The following GNA14 variants were observed in gnomAD, a reference collection of about 807,000 sequenced individuals.
The protein encoded by GNA14 is G protein subunit alpha 14.
GNA14 carries 50 observed loss-of-function variants against 42.0 expected under a neutral mutation model. The ratio of observed to expected loss-of-function variants is 1.19; its 90% CI spans 0.95 to 1.51. GNA14 has a LOEUF of 1.51. Among genes scored for constraint, GNA14 ranks in the 40% most tolerant of loss-of-function variants. GNA14 has a pLI of 0.00. For synonymous variants in GNA14, 173 were observed against 163.1 expected (o/e 1.06, Z -0.46); for missense variants, 473 against 446.2 (o/e 1.06, Z -0.54).
intron 2 of GNA14, among the ~76,000 whole-genome samples, chr9:77,524,760 T>C (rs1837408218): frequency 6.6e-6 from 1 of 152,092 alleles, no homozygotes; most frequent in African/African-American, 2.4e-5. Context: ...AGGAAAATGA[T>C]AGAGAAGAAA....
At chr9:77,442,167 T>A (rs1018281558) in intron 2 of GNA14, among the ~76,000 whole-genome samples, 1 of 151,860 alleles carries the variant, frequency 6.6e-6, no homozygotes, top group African/African-American at 2.4e-5. Flanking sequence ...AGGCCAGGAG[T>A]TCGAGACCCG....
chr9:77,563,552 C>T (rs1822917717), intron 1 of GNA14, among the ~76,000 whole-genome samples: 1 of 152,100 alleles, frequency 6.6e-6, no homozygotes, highest in African/African-American at 2.4e-5. Context: ...CCTGATTCTT[C>T]ATAGGGCTTA....
At chr9:77,602,803 T>G (rs1190177929) in intron 1 of GNA14, among the ~76,000 whole-genome samples, 1 of 152,246 alleles carries the variant, frequency 6.6e-6, no homozygotes, top group East Asian at 1.9e-4. Context: ...TCTGTGCAAT[T>G]GCACAGGGCT....
In GNA14 at chr9:77,593,334, CTT is replaced by C. The variant is rs59975831; in HGVS notation, c.124+54334_124+54335del. On this transcript the variant is annotated intron_variant, in intron 1 of 6. Coordinates refer to ENST00000341700, the MANE Select transcript of GNA14 (RefSeq NM_004297.4). ...GATCAAAATACCCTCCCTAACATTC[CTT>C]TTTTTTTTTGAAACGGAGTCTCACT... Among the ~76,000 whole-genome samples the C allele has an allele frequency of 1.0e-3, 149 of 142,952 alleles. 1 individual carries two copies. The highest frequency in any genetic ancestry group is 3.9e-3 in the African/African-American group (144 of 37,202). The allele number at this position is 142,952 out of a possible 152,430, so 93.8% of individuals were successfully genotyped here. A position where few individuals can be genotyped will look rare whatever the true frequency, so the allele number is the denominator to read the frequency against.
intron 1 of GNA14, among the ~76,000 whole-genome samples, chr9:77,550,503 A>C (rs1837775253): frequency 6.6e-6 from 1 of 152,218 alleles, no homozygotes; most frequent in Non-Finnish European, 1.5e-5. Flanking sequence ...AATTGGGAGT[A>C]ATGTCATGTG....
At chr9:77,635,068 AC>A (rs1824160679) in intron 1 of GNA14, 1 of 152,154 alleles carries the variant, frequency 6.6e-6, no homozygotes, top group Non-Finnish European at 1.5e-5. Flanking sequence ...GTGTTTGGTT[AC>A]CCAAGTAAGT....
At chr9:77,605,785 T>C (rs1012036993) in intron 1 of GNA14, among the ~76,000 whole-genome samples, 2 of 152,218 alleles carry the variant, frequency 1.3e-5, no homozygotes, top group African/African-American at 4.8e-5. Flanking sequence ...ACTGAATCTT[T>C]TCTAGTTAGC....
Position 77,428,955 on chromosome 9 carries a change from C to T in GNA14, c.675G>A (p.Leu225=), listed in dbSNP as rs1289251576. The change falls in exon 5 of 7, where the codon TTG becomes TTA. Residue 225 remains leucine, a synonymous_variant. Transcript: ENST00000341700. ...CFESVTSIIF[L]VALSEYDQVL... ...CCTGGTCATATTCACTCAGAGCAACCAAGAAAATAATGGAGGTGACACTCT... is the reference window on the plus strand; with the variant it reads ...CCTGGTCATATTCACTCAGAGCAACTAAGAAAATAATGGAGGTGACACTCT... The T allele has an allele frequency of 6.2e-7, 1 of 1,613,880 alleles. No individual in the cohort carries two copies. The highest frequency in any genetic ancestry group is 1.3e-5 in the African/African-American group (1 of 74,898).
chr9:77,453,578 A>C (rs1835950447), intron 2 of GNA14, among the ~76,000 whole-genome samples: 1 of 152,230 alleles, frequency 6.6e-6, no homozygotes, highest in African/African-American at 2.4e-5. Context: ...ATGTGTAACT[A>C]TGCGCACCAA....
chr9:77,475,309 T>C (rs908706496), intron 2 of GNA14, among the ~76,000 whole-genome samples: 1 of 152,148 alleles, frequency 6.6e-6, no homozygotes, highest in African/African-American at 2.4e-5. Flanking sequence ...GCTGTGGGTA[T>C]ATAATGACAA....
In GNA14 at chr9:77,546,018, C is replaced by T. The variant is rs139896980; in HGVS notation, c.125-16765G>A. Among the ~76,000 whole-genome samples, 1,461 of 152,114 alleles carry T rather than the reference C, an allele frequency of 9.6e-3. 13 individuals are homozygous for T. Among genetic ancestry groups the T allele is most frequent in the Middle Eastern group, 0.02 (6 of 294 alleles). On this transcript the variant is annotated intron_variant, in intron 1 of 6. Coordinates refer to ENST00000341700, the MANE Select transcript of GNA14 (RefSeq NM_004297.4). ...ATCACCTGAGGTCAGGAGTTCGAGA[C>T]CAGCCTGGCCAACACAGCGAAACCC...
chr9:77,507,784 C>T (rs1048333443), intron 2 of GNA14, among the ~76,000 whole-genome samples: 2 of 152,094 alleles, frequency 1.3e-5, no homozygotes, highest in African/African-American at 4.8e-5. Context: ...GCAATCTTGG[C>T]TCACTGCAAT....
At chr9:77,549,060 G>A (rs762335656) in intron 1 of GNA14, among the ~76,000 whole-genome samples, 2 of 151,968 alleles carry the variant, frequency 1.3e-5, no homozygotes, top group African/African-American at 4.8e-5. Flanking sequence ...TCAGCCTCCC[G>A]AGTAGCTGGG....
intron 2 of GNA14, among the ~76,000 whole-genome samples, chr9:77,520,756 A>G (rs1412859067): frequency 6.6e-6 from 1 of 152,188 alleles, no homozygotes; most frequent in Non-Finnish European, 1.5e-5. Flanking sequence ...TAAGTGTTCA[A>G]ATAGAATGAT....
intron 1 of GNA14, among the ~76,000 whole-genome samples, chr9:77,623,198 A>G (rs1210050863): frequency 7.3e-6 from 1 of 137,732 alleles, no homozygotes; most frequent in Admixed American, 7.4e-5. Flanking sequence ...GCATGGGCAA[A>G]AGAGTGAGAC....
At chr9:77,502,062 C>T (rs997904110) in intron 2 of GNA14, among the ~76,000 whole-genome samples, 3 of 152,148 alleles carry the variant, frequency 2.0e-5, no homozygotes, top group Non-Finnish European at 4.4e-5. Flanking sequence ...CTCTGTCTCT[C>T]TATGTTCTGT....
chr9:77,610,188 C>T (rs1362903215), intron 1 of GNA14, among the ~76,000 whole-genome samples: 1 of 152,076 alleles, frequency 6.6e-6, no homozygotes, highest in African/African-American at 2.4e-5. Context: ...ATTTATTTCC[C>T]CTAAAAATCA....
intron 1 of GNA14, among the ~76,000 whole-genome samples, chr9:77,568,640 G>A (rs1310626368): frequency 1.3e-5 from 2 of 152,226 alleles, no homozygotes; most frequent in Non-Finnish European, 2.9e-5. Flanking sequence ...TGCTGGTGGG[G>A]ACGGCAGAGC....
rs368087245 is a variant in GNA14, at chr9:77,460,766, G to A, written c.310-26244C>T. ...CTCGGCTATGGGGGATGGAAAGGGT[G>A]TGCCCAAGAATGAAAAGAACGAAGT... On this transcript the variant is annotated intron_variant, in intron 2 of 6. Transcript: ENST00000341700. 3.1e-4 allele frequency among the ~76,000 whole-genome samples: 47 copies of A among 152,328 alleles called. 1 individual carries two copies. In the East Asian group the frequency reaches 8.5e-3, roughly 28 times the overall value.
Sources: gnomAD v4.1 joint callset for allele counts (sites outside exome capture counted in the v4.1 genomes callset) on GRCh38, gnomAD v4.1.1 for gene constraint, MANE v1.5 for transcripts, NCBI Gene and HGNC (gene_info 2026-07-23, HGNC 2026-07-21) for gene names.